Variants in PNPLA8 observed in about 807,000 individuals in gnomAD.
PNPLA8 encodes the protein calcium-independent phospholipase A2-gamma.
PNPLA8 carries 39 observed loss-of-function variants against 76.9 expected under a neutral mutation model. That is an observed-to-expected ratio of 0.51 (90% CI 0.39 to 0.66). PNPLA8 has a LOEUF of 0.66. Among genes scored for constraint, PNPLA8 ranks in the 30% least tolerant of loss-of-function variants. The pLI, the probability that PNPLA8 is intolerant of heterozygous loss-of-function variation, is 0.00. For missense variants in PNPLA8, 887 were observed against 918.0 expected, an observed-to-expected ratio of 0.97 and a Z score of 0.44; for synonymous variants, 301 against 307.9, an observed-to-expected ratio of 0.98 and a Z score of 0.24.
intron 4 of PNPLA8, among the ~76,000 whole-genome samples, chr7:108,508,646 G>T (rs1598942755): frequency 7.5e-6 from 1 of 133,304 alleles, no homozygotes; most frequent in Admixed American, 7.7e-5. Context: ...AGCTACCAAT[G>T]ACTTTCTTCA....
At chr7:108,497,385 T>C (rs369340269) in intron 6 of PNPLA8, 98 bp downstream of exon 6, 1 of 791,022 alleles carries the variant, frequency 1.3e-6, no homozygotes. Flanking sequence ...GAGAGAGGGC[T>C]GAAGAAGGCA....
intron 9 of PNPLA8, 105 bp downstream of exon 9, chr7:108,487,654 G>T (rs1860836906): frequency 1.8e-6 from 1 of 556,146 alleles, no homozygotes; most frequent in African/African-American, 1.9e-5. Context: ...ACACAAAGAA[G>T]AAAGTCTCCT....
rs1342375194 is a variant in PNPLA8, at chr7:108,479,268, C to G, written c.1990G>C (p.Glu664Gln). The change falls in exon 10 of 11, where the codon GAG becomes CAG. Residue 664 changes from glutamate to glutamine, a missense_variant. Transcript: ENST00000257694. The part of the protein sequence containing the change: ...CIVSLGTGRY[E>Q]SDVRNTVTYT... The stretch of plus-strand genomic sequence containing the variant: ...GTTACCGTGTTTCTCACATCACTCT[C>G]ATAACGTCCAGTGCCCAGGGATACT... 2 of 1,613,246 alleles carry G rather than the reference C, an allele frequency of 1.2e-6. No individual in the cohort carries two copies. Among genetic ancestry groups the G allele is most frequent in the Admixed American group, 3.3e-5 (2 of 59,980 alleles).
At chr7:108,510,706 T>C in intron 4 of PNPLA8, 2 of 1,600,262 alleles carry the variant, frequency 1.2e-6, no homozygotes, top group Non-Finnish European at 1.7e-6. Context: ...AGAGTGGTTA[T>C]GGCAAAATCA....
intron 1 of PNPLA8, among the ~76,000 whole-genome samples, chr7:108,524,667 A>C (rs1194577288): frequency 6.6e-6 from 1 of 152,170 alleles, no homozygotes; most frequent in Non-Finnish European, 1.5e-5. Context: ...CTACTTAAAA[A>C]AATTAGCCGG....
chr7:108,524,625 G>C (rs1863955521), intron 1 of PNPLA8, among the ~76,000 whole-genome samples: 1 of 152,192 alleles, frequency 6.6e-6, no homozygotes, highest in Non-Finnish European at 1.5e-5. Flanking sequence ...AGGAGTTTGA[G>C]AGCAGCCTGG....
chr7:108,503,847 C>G (rs1010783142), intron 4 of PNPLA8, among the ~76,000 whole-genome samples: 12 of 152,146 alleles, frequency 7.9e-5, no homozygotes, highest in Non-Finnish European at 1.5e-5. Context: ...CGTTTAGCAT[C>G]TAAGGGGTTT....
intron 4 of PNPLA8, among the ~76,000 whole-genome samples, chr7:108,505,331 TATATATATATA>T (rs1862301851): frequency 1.0e-4 from 1 of 9,668 alleles, no homozygotes; most frequent in African/African-American, 5.4e-4. Flanking sequence ...TATATATATA[TATATATATATA>T]TATATATATA....
rs998416249 is a variant in PNPLA8 at position 108,471,629 on chromosome 7, ATTT to A, written c.*769_*771del. 6.6e-6 allele frequency: 1 copy of A among 152,184 alleles called. No homozygotes were observed. Among genetic ancestry groups the A allele is most frequent in the African/African-American group, 2.4e-5 (1 of 41,454 alleles). The allele number at this position is 152,184 out of a possible 1,614,324, so 9.4% of individuals were successfully genotyped here. ...GACATTAGCCTTTTAACAACAGATT[ATTT>A]AAATAGTTTATTTTTGTTAATGATA... is the stretch of plus-strand genomic sequence containing the variant. On this transcript the variant is annotated 3_prime_UTR_variant, in exon 11 of 11. Transcript: ENST00000257694.
intron 5 of PNPLA8, among the ~76,000 whole-genome samples, chr7:108,500,583 C>T (rs1219668092): frequency 6.6e-6 from 1 of 152,162 alleles, no homozygotes; most frequent in African/African-American, 2.4e-5. Flanking sequence ...GTGATCTTGA[C>T]CTATGTCTAC....
intron 8 of PNPLA8, among the ~76,000 whole-genome samples, chr7:108,489,255 ATC>A (rs1563945155): frequency 6.6e-6 from 1 of 152,220 alleles, no homozygotes; most frequent in Non-Finnish European, 1.5e-5. Context: ...GAGCTAAGTC[ATC>A]TCTTCATCAC....
chr7:108,500,895 C>G (rs1861890765), intron 5 of PNPLA8, among the ~76,000 whole-genome samples: 1 of 151,790 alleles, frequency 6.6e-6, no homozygotes, highest in African/African-American at 2.4e-5. Flanking sequence ...GCCCGGACAA[C>G]CAGAGCAAAA....
chr7:108,496,471 T>C, intron 7 of PNPLA8, 113 bp downstream of exon 7: 1 of 612,426 alleles, frequency 1.6e-6, no homozygotes, highest in East Asian at 3.4e-5. Context: ...ATTCTTGATA[T>C]TTTTCAAATT....
In PNPLA8 at chr7:108,514,271, T is replaced by C; in HGVS notation, c.1079A>G (p.Asp360Gly). The change falls in exon 4 of 11, where the codon GAT becomes GGT. Residue 360 changes from aspartate (D) to glycine (G), a missense_variant. Coordinates refer to ENST00000257694, the MANE Select transcript of PNPLA8 (RefSeq NM_001256007.3). ...CTGAACTAATGCCCGGGTCCTGTTA[T>C]CAATACTCACCCTTGCGATAATCTA... ...REKIIARVSI[D>G]NRTRALVQAL... The C allele has an allele frequency of 3.1e-6, 5 of 1,612,310 alleles. No homozygotes were observed. The highest frequency in any genetic ancestry group is 4.2e-6 in the Non-Finnish European group (5 of 1,178,418).
chr7:108,503,471 T>C lies in PNPLA8; in HGVS notation c.1207-829A>G, dbSNP rs908020200. ...AATTCTTTCTCAATATTTTTTCCCC[T>C]AATATTGAGCTGTGAGGCCCCACTA... On this transcript the variant is annotated intron_variant, in intron 4 of 10. Transcript: ENST00000257694. Among the ~76,000 whole-genome samples, 11 of 152,314 alleles carry C rather than the reference T, an allele frequency of 7.2e-5. 1 individual carries two copies. Among genetic ancestry groups the C allele is most frequent in the Admixed American group, 7.2e-4 (11 of 15,304 alleles).
chr7:108,510,606 A>G (rs1292847873), intron 4 of PNPLA8: 1 of 1,552,878 alleles, frequency 6.4e-7, no homozygotes, highest in Non-Finnish European at 8.8e-7. Flanking sequence ...GTGAAGCTCA[A>G]CAAGGCTTCG....
chr7:108,514,205 C>G lies in PNPLA8; in HGVS notation c.1145G>C (p.Arg382Thr). Reference protein sequence around the residue: ...RTTDPKLCITRVEELTFHLLE... With the variant: ...RTTDPKLCITTVEELTFHLLE... ...AAGATGAAAAGTCAGTTCTTCAACC[C>G]TAGTAATGCAGAGCTTTGGGTCAGT... Residue 382 changes from arginine (R) to threonine (T), a missense_variant, in exon 4 of 11, where the codon AGG becomes ACG. Physicochemically the swap from Arg to Thr is moderately conservative, Grantham distance 71. Coordinates refer to ENST00000257694, the MANE Select transcript of PNPLA8 (RefSeq NM_001256007.3). The G allele has an allele frequency of 6.2e-7, 1 of 1,609,260 alleles. No individual in the cohort carries two copies.
chr7:108,526,053 G>T lies in PNPLA8; in HGVS notation c.-154C>A, dbSNP rs1315275239. On this transcript the variant is annotated 5_prime_UTR_variant, in exon 1 of 11. Coordinates refer to ENST00000257694, the MANE Select transcript of PNPLA8 (RefSeq NM_001256007.3). ...CCGGGATGCAGGCCGCAGTCACTAG[G>T]GCTGCAGCGGCGACTCGCTCGTTCC... 1 of 985,636 alleles carries T rather than the reference G, an allele frequency of 1.0e-6. No homozygotes were observed. Among genetic ancestry groups the T allele is most frequent in the Non-Finnish European group, 1.2e-6 (1 of 830,106 alleles). The allele number at this position is 985,636 out of a possible 1,614,324, so 61.1% of individuals were successfully genotyped here.
At chr7:108,489,469 C>T (rs1860983249) in intron 8 of PNPLA8, among the ~76,000 whole-genome samples, 1 of 152,222 alleles carries the variant, frequency 6.6e-6, no homozygotes, top group Non-Finnish European at 1.5e-5. Context: ...AATCTCACTT[C>T]CTTAAATTAG....
Sources: gnomAD v4.1 joint callset for allele counts (sites outside exome capture counted in the v4.1 genomes callset) on GRCh38, gnomAD v4.1.1 for gene constraint, MANE v1.5 for transcripts, NCBI Gene and HGNC (gene_info 2026-07-23, HGNC 2026-07-21) for gene names.